The following FNIP2 variants were observed in gnomAD, a reference collection of about 807,000 sequenced individuals.
FNIP2 encodes folliculin interacting protein 2.
In FNIP2, 32 loss-of-function variants were observed where a neutral mutation model predicts 108.7. The ratio of observed to expected loss-of-function variants is 0.29; its 90% CI spans 0.22 to 0.40. The LOEUF (loss-of-function observed/expected upper bound fraction) is 0.40. Ranked by LOEUF, FNIP2 falls within the 10% of genes least tolerant of loss-of-function variation. FNIP2 has a pLI of 1.00. For missense variants in FNIP2, 1,202 were observed against 1,381.6 expected (o/e 0.87, Z 2.06); for synonymous variants, 480 against 496.7 (o/e 0.97, Z 0.45).
intron 7 of FNIP2, among the ~76,000 whole-genome samples, chr4:158,838,888 G>A (rs1040160922): frequency 3.3e-5 from 5 of 152,146 alleles, no homozygotes; most frequent in African/African-American, 4.8e-5. Flanking sequence ...TAATCTTGAG[G>A]AGTACTGGTT....
At chr4:158,874,921 T>C (rs1181721601) in intron 14 of FNIP2, among the ~76,000 whole-genome samples, 1 of 8,652 alleles carries the variant, frequency 1.2e-4, no homozygotes, top group Non-Finnish European at 2.2e-4. Flanking sequence ...TCTACTAAAA[T>C]ACAAAAAAAA....
At position 158,880,577 on chromosome 4, in the gene FNIP2, A is replaced by G. The variant is rs542994902; in HGVS notation, c.2949+10108A>G. ...GCACGTTGTGCACATGTACCTTAGAACTTAAAGTATAATAATAATAAAAAA... is the reference window on the plus strand; with the variant it reads ...GCACGTTGTGCACATGTACCTTAGAGCTTAAAGTATAATAATAATAAAAAA... On this transcript the variant is annotated intron_variant, in intron 14 of 16. Transcript: ENST00000264433. Among the ~76,000 whole-genome samples, 5 of 152,348 alleles carry G rather than the reference A, an allele frequency of 3.3e-5. No individual in the cohort carries two copies. The South Asian group carries it at 1.0e-3, about 32-fold the overall frequency.
At chr4:158,793,285 C>T (rs1282404205) in intron 1 of FNIP2, among the ~76,000 whole-genome samples, 2 of 152,162 alleles carry the variant, frequency 1.3e-5, no homozygotes, top group East Asian at 3.9e-4. Context: ...ATCTAGGAAT[C>T]CTAAATGTCC....
chr4:158,896,158 G>A (rs757257441), intron 16 of FNIP2, among the ~76,000 whole-genome samples: 11 of 152,276 alleles, frequency 7.2e-5, no homozygotes, highest in African/African-American at 2.6e-4. Flanking sequence ...CACACTGCCC[G>A]TTTCTAGTAA....
intron 1 of FNIP2, among the ~76,000 whole-genome samples, chr4:158,782,248 T>C (rs1295555660): frequency 6.6e-6 from 1 of 152,208 alleles, no homozygotes; most frequent in East Asian, 1.9e-4. Context: ...ACTTAAATTT[T>C]GGTGCTGGGA....
chr4:158,824,629 C>G (rs1411442358), intron 1 of FNIP2, among the ~76,000 whole-genome samples: 1 of 152,188 alleles, frequency 6.6e-6, no homozygotes, highest in South Asian at 2.1e-4. Context: ...GTCTTCATCT[C>G]TTCCACCCCC....
intron 1 of FNIP2, among the ~76,000 whole-genome samples, chr4:158,817,989 C>T (rs967685968): frequency 6.6e-6 from 1 of 152,216 alleles, no homozygotes; most frequent in Non-Finnish European, 1.5e-5. Context: ...TGTGGTGGCC[C>T]CAGGGCAGTG....
intron 14 of FNIP2, among the ~76,000 whole-genome samples, chr4:158,881,405 ACGG>A (rs1423643352): frequency 8.2e-3 from 70 of 8,584 alleles, no homozygotes; most frequent in Non-Finnish European, 0.012. Context: ...CTCTCTTTCC[ACGG>A]TCTCCCTCTC....
intron 3 of FNIP2, among the ~76,000 whole-genome samples, chr4:158,830,248 CTTTTTTTTTT>C (rs35746599): frequency 3.1e-5 from 2 of 64,012 alleles, no homozygotes; most frequent in Admixed American, 2.2e-4. Flanking sequence ...ATTTATCTTT[CTTTTTTTTTT>C]TTTTTTTTTT....
chr4:158,855,851 C>T lies in FNIP2; in HGVS notation c.858-3206C>T, dbSNP rs550807738. On this transcript the variant is annotated intron_variant, in intron 8 of 16. Coordinates refer to ENST00000264433, the MANE Select transcript of FNIP2 (RefSeq NM_020840.3). ...CTAGAGACAGGAGAATAGTGGGTACCAAACACTATGATTGCTTCTGGCTTT... is the reference window on the plus strand; with the variant it reads ...CTAGAGACAGGAGAATAGTGGGTACTAAACACTATGATTGCTTCTGGCTTT... Among the ~76,000 whole-genome samples, 36 of 152,274 alleles carry T rather than the reference C, an allele frequency of 2.4e-4. No individual in the cohort carries two copies. The South Asian group carries it at 7.5e-3, about 32-fold the overall frequency.
chr4:158,785,304 G>A (rs1381761419), intron 1 of FNIP2, among the ~76,000 whole-genome samples: 2 of 151,756 alleles, frequency 1.3e-5, no homozygotes, highest in East Asian at 1.9e-4. Context: ...CAGGATGGTC[G>A]CGATCTCTTG....
intron 15 of FNIP2, among the ~76,000 whole-genome samples, chr4:158,895,058 T>G (rs536939167): frequency 2.0e-4 from 31 of 152,156 alleles, no homozygotes; most frequent in Non-Finnish European, 3.4e-4. Context: ...TGCAAAAGCA[T>G]TTGCCTCTGG....
At chr4:158,773,500 A>G (rs923720499) in intron 1 of FNIP2, among the ~76,000 whole-genome samples, 3 of 152,240 alleles carry the variant, frequency 2.0e-5, no homozygotes, top group African/African-American at 7.2e-5. Context: ...CATCAGACCT[A>G]TGTAACAAAG....
chr4:158,796,592 G>A (rs1776598114), intron 1 of FNIP2, among the ~76,000 whole-genome samples: 1 of 152,114 alleles, frequency 6.6e-6, no homozygotes, highest in African/African-American at 2.4e-5. Flanking sequence ...GCTTCATGTT[G>A]TATAAATACA....
chr4:158,892,816 A>G (rs1444231946), intron 15 of FNIP2, among the ~76,000 whole-genome samples: 1 of 152,214 alleles, frequency 6.6e-6, no homozygotes, highest in East Asian at 1.9e-4. Context: ...GCCTCCAAAA[A>G]TGATGCAAAC....
intron 1 of FNIP2, among the ~76,000 whole-genome samples, chr4:158,818,370 G>T (rs1443562632): frequency 6.6e-6 from 1 of 152,170 alleles, no homozygotes; most frequent in East Asian, 1.9e-4. Context: ...GAAAATATGG[G>T]GAACCTGAAA....
chr4:158,858,400 C>A (rs1560806279), intron 8 of FNIP2, among the ~76,000 whole-genome samples: 1 of 152,028 alleles, frequency 6.6e-6, no homozygotes. Context: ...TGAGGCTTAC[C>A]CCACAAGACA....
At chr4:158,775,680 G>A (rs984021455) in intron 1 of FNIP2, among the ~76,000 whole-genome samples, 2 of 152,158 alleles carry the variant, frequency 1.3e-5, no homozygotes, top group Admixed American at 1.3e-4. Context: ...GCCTTCTCAT[G>A]CATCATGCTA....
chr4:158,824,681 C>T (rs928939922), intron 1 of FNIP2, among the ~76,000 whole-genome samples: 1 of 152,230 alleles, frequency 6.6e-6, no homozygotes, highest in Non-Finnish European at 1.5e-5. Context: ...AAAGTGCAGA[C>T]CTGATCTTAT....
Sources: gnomAD v4.1 joint callset for allele counts (sites outside exome capture counted in the v4.1 genomes callset) on GRCh38, gnomAD v4.1.1 for gene constraint, MANE v1.5 for transcripts, NCBI Gene and HGNC (gene_info 2026-07-23, HGNC 2026-07-21) for gene names.